DGKG: variants seen among roughly 807,000 people sequenced by gnomAD.
The protein encoded by DGKG is diacylglycerol kinase gamma, also known as DAG kinase gamma.
DGKG carries 78 observed loss-of-function variants against 105.3 expected under a neutral mutation model. The observed-to-expected ratio is 0.74, with a 90% CI of 0.62 to 0.89. The LOEUF (loss-of-function observed/expected upper bound fraction) is 0.89, where lower values mean the gene tolerates loss of function less well. Among genes scored for constraint, DGKG ranks in the 40% least tolerant of loss-of-function variants. The pLI is 0.00. For missense variants in DGKG, 958 were observed against 1,020.1 expected, an observed-to-expected ratio of 0.94 and a Z score of 0.83; for synonymous variants, 346 against 367.1, an observed-to-expected ratio of 0.94 and a Z score of 0.66.
chr3:186,235,024 A>G (rs1447785547), intron 20 of DGKG, among the ~76,000 whole-genome samples: 1 of 152,306 alleles, frequency 6.6e-6, no homozygotes. Context: ...CATTTGTGTA[A>G]CGTTGAGCAC....
At chr3:186,186,176 T>C (rs950699111) in intron 22 of DGKG, among the ~76,000 whole-genome samples, 1 of 151,594 alleles carries the variant, frequency 6.6e-6, no homozygotes, top group African/African-American at 2.4e-5. Context: ...TGATGTTTCC[T>C]GATGACCTGG....
chr3:186,240,928 AGAG>A (rs35727900), intron 20 of DGKG, among the ~76,000 whole-genome samples: 20,441 of 152,078 alleles, frequency 0.13, 1,419 homozygotes, highest in Middle Eastern at 0.21. Context: ...AAAGACCGTT[AGAG>A]GAGATCATCT....
intron 1 of DGKG, among the ~76,000 whole-genome samples, chr3:186,324,104 CA>C (rs561960985): frequency 0.014 from 827 of 58,350 alleles, 4 homozygotes; most frequent in Middle Eastern, 0.056. Context: ...GAGAGTCTGT[CA>C]AAAAAAAAAA....
chr3:186,284,442 C>T lies in DGKG; in HGVS notation c.594+218G>A, dbSNP rs1722966312. Among the ~76,000 whole-genome samples the T allele has an allele frequency of 6.6e-6, 1 of 152,156 alleles. No homozygotes were observed. The highest frequency in any genetic ancestry group is 2.4e-5 in the African/African-American group (1 of 41,414). ...CATCCTGAGATTTGATGATCCCAGG[C>T]TTCTAGAGCGAAAAGGTAAGTTGGC... On this transcript the variant is annotated intron_variant, in intron 7 of 24. Coordinates refer to ENST00000265022, the MANE Select transcript of DGKG (RefSeq NM_001346.3). The surrounding 1 kb of genome is among the most constrained non-coding windows in gnomAD (Gnocchi z 4.0).
At chr3:186,272,884 C>A (rs112419402) in intron 10 of DGKG, among the ~76,000 whole-genome samples, 7 of 151,988 alleles carry the variant, frequency 4.6e-5, no homozygotes, top group African/African-American at 1.5e-4. Flanking sequence ...TGCACCACCA[C>A]GCCCGGCTAA....
At chr3:186,281,785 G>A (rs754016946) in intron 7 of DGKG, among the ~76,000 whole-genome samples, 3 of 152,144 alleles carry the variant, frequency 2.0e-5, no homozygotes, top group East Asian at 3.9e-4. Flanking sequence ...AAGAGAAAAC[G>A]TATTTCAGGA....
rs754611001 is a variant in DGKG at position 186,284,618 on chromosome 3, C to T, written c.594+42G>A. On this transcript the variant is annotated intron_variant, in intron 7 of 24. Coordinates refer to ENST00000265022, the MANE Select transcript of DGKG (RefSeq NM_001346.3). This position sits in a 1 kb window ranked among gnomAD's most constrained non-coding sequence, Gnocchi z 4.0. Reference sequence around the variant, plus strand: ...CTCTGCTTGCTCCCTGCTCCCCCAGCCTTTCTCAGGTCCATGAGGGATATT... The same window carrying T: ...CTCTGCTTGCTCCCTGCTCCCCCAGTCTTTCTCAGGTCCATGAGGGATATT... The T allele has an allele frequency of 4.4e-5, 69 of 1,554,902 alleles. No homozygotes were observed. Among genetic ancestry groups the T allele is most frequent in the Non-Finnish European group, 5.8e-5 (65 of 1,126,616 alleles).
intron 6 of DGKG, among the ~76,000 whole-genome samples, chr3:186,286,289 G>A (rs1723065875): frequency 6.6e-6 from 1 of 152,170 alleles, no homozygotes; most frequent in East Asian, 1.9e-4. Context: ...CCCAGCAGAT[G>A]GTTGAATGAC....
intron 20 of DGKG, among the ~76,000 whole-genome samples, chr3:186,214,159 A>C (rs1472598874): frequency 6.6e-6 from 1 of 152,222 alleles, no homozygotes; most frequent in Admixed American, 6.5e-5. Context: ...GAGCTAATAA[A>C]GGTTAAGAGG....
At chr3:186,251,079 C>G (rs1208744723) in intron 19 of DGKG, among the ~76,000 whole-genome samples, 1 of 151,912 alleles carries the variant, frequency 6.6e-6, no homozygotes, top group East Asian at 1.9e-4. Flanking sequence ...GCTGTCCTTG[C>G]ACTGAGGGAG....
intron 21 of DGKG, among the ~76,000 whole-genome samples, chr3:186,200,258 C>A (rs1164297174): frequency 1.3e-5 from 2 of 152,076 alleles, no homozygotes; most frequent in Non-Finnish European, 2.9e-5. Flanking sequence ...GCTCTGTGTG[C>A]CCCTAGAGGG....
intron 20 of DGKG, among the ~76,000 whole-genome samples, chr3:186,220,614 C>T (rs1050413472): frequency 3.3e-5 from 5 of 152,218 alleles, no homozygotes; most frequent in Non-Finnish European, 5.9e-5. Context: ...ACATCTACCA[C>T]ATGCGCCACC....
At position 186,221,662 on chromosome 3, in the gene DGKG, G is replaced by A. The variant is rs1719587559; in HGVS notation, c.1827-9777C>T. 1.3e-5 allele frequency among the ~76,000 whole-genome samples: 2 copies of A among 152,156 alleles called. 1 individual carries two copies. Among genetic ancestry groups the A allele is most frequent in the South Asian group, 4.1e-4 (2 of 4,832 alleles). Reference sequence around the variant, plus strand: ...GGGAACTGGTATCTGAAGGCGGTGGGGACAGTGAAGATACAGGTGGGTGAG... The same window carrying A: ...GGGAACTGGTATCTGAAGGCGGTGGAGACAGTGAAGATACAGGTGGGTGAG... On this transcript the variant is annotated intron_variant, in intron 20 of 24. Coordinates refer to ENST00000265022, the MANE Select transcript of DGKG (RefSeq NM_001346.3).
At chr3:186,256,182 A>C (rs1437280063) in intron 17 of DGKG, among the ~76,000 whole-genome samples, 2 of 152,044 alleles carry the variant, frequency 1.3e-5, no homozygotes, top group Non-Finnish European at 2.9e-5. Context: ...AGGTGACAGG[A>C]GAGCGTGGGT....
At chr3:186,302,393 T>A (rs1323006806) in intron 3 of DGKG, among the ~76,000 whole-genome samples, 1 of 149,838 alleles carries the variant, frequency 6.7e-6, no homozygotes, top group Admixed American at 6.7e-5. Flanking sequence ...ATAGATTGAA[T>A]GGATATATGT....
chr3:186,149,214 A>G lies in DGKG; in HGVS notation c.*876T>C, dbSNP rs1715640992. ...CAAACAGGAAACACGCTTTGGCTTG[A>G]AAAAGAAAGAAGCTGGGGGTGGTTT... On this transcript the variant is annotated 3_prime_UTR_variant, in exon 25 of 25. Transcript: ENST00000265022. 6 of 984,700 alleles carry G rather than the reference A, an allele frequency of 6.1e-6. No individual in the cohort carries two copies. In the African/African-American group the frequency reaches 1.1e-4, roughly 17 times the overall value. 61.0% of individuals were successfully genotyped at this position (984,700 alleles called of 1,614,324 possible). A position where few individuals can be genotyped will look rare whatever the true frequency, so the allele number is the denominator to read the frequency against.
At chr3:186,280,332 C>A (rs756582163) in intron 8 of DGKG, among the ~76,000 whole-genome samples, 2 of 152,206 alleles carry the variant, frequency 1.3e-5, no homozygotes, top group Non-Finnish European at 2.9e-5. Context: ...TCTTATAATT[C>A]ATATTATCTG....
intron 21 of DGKG, among the ~76,000 whole-genome samples, chr3:186,199,721 C>T (rs750955580): frequency 1.3e-5 from 2 of 152,086 alleles, no homozygotes; most frequent in African/African-American, 2.4e-5. Context: ...CCATTTTGGC[C>T]AGGCTGGTCT....
chr3:186,288,454 C>T (rs1263299074), intron 6 of DGKG, among the ~76,000 whole-genome samples: 2 of 152,330 alleles, frequency 1.3e-5, no homozygotes, highest in East Asian at 3.9e-4. Context: ...GACCCCTTCC[C>T]TTTCCAGATT....
Sources: allele counts gnomAD v4.1 joint callset (sites outside exome capture counted in the v4.1 genomes callset), GRCh38; gene constraint gnomAD v4.1.1; non-coding constraint Gnocchi (gnomAD v3.1); transcripts MANE v1.5; gene names NCBI Gene and HGNC (gene_info 2026-07-23, HGNC 2026-07-21).